The following SLC9A1 variants were observed in gnomAD, a reference collection of about 807,000 sequenced individuals.
SLC9A1 encodes sodium/hydrogen exchanger 1.
Under a neutral mutation model 67.9 loss-of-function variants are expected in SLC9A1, and 22 were observed. That is an observed-to-expected ratio of 0.32 (90% confidence interval 0.23 to 0.46). The LOEUF (loss-of-function observed/expected upper bound fraction) is 0.46, where lower values mean the gene tolerates loss of function less well. Among genes scored for constraint, SLC9A1 ranks in the 20% least tolerant of loss-of-function variants. SLC9A1 has a pLI of 1.00. For missense variants in SLC9A1, 686 were observed against 1,094.8 expected (o/e 0.63, Z 5.27); for synonymous variants, 421 against 471.8 (o/e 0.89, Z 1.40).
rs760631128 is a variant in SLC9A1 at position 27,102,492 on chromosome 1, G to C, written c.1713C>G (p.Pro571=). 1.9e-6 allele frequency: 3 copies of C among 1,610,932 alleles called. No homozygotes were observed. In the South Asian group the frequency reaches 3.3e-5, roughly 18 times the overall value. Reference sequence around the variant, plus strand: ...TCTTGTGGTAGAAGGCAATGAGCTGGGGCTCCTTGGAGCGCTCGCCAGCTA... The same window carrying C: ...TCTTGTGGTAGAAGGCAATGAGCTGCGGCTCCTTGGAGCGCTCGCCAGCTA... ...CLIAGERSKE[P]QLIAFYHKME... is the part of the protein sequence containing the mutation. Residue 571 remains proline (P), a synonymous_variant, in exon 8 of 12, where the codon CCC becomes CCG. Transcript: ENST00000263980.
In SLC9A1 at chr1:27,107,754, G is replaced by A; in HGVS notation, c.1176C>T (p.Thr392=). The A allele has an allele frequency of 6.3e-7, 1 of 1,597,174 alleles. No homozygotes were observed. Residue 392 remains threonine (T), a synonymous_variant, in exon 4 of 12, where the codon ACC becomes ACT. Coordinates refer to ENST00000263980, the MANE Select transcript of SLC9A1 (RefSeq NM_003047.5). The part of the protein sequence containing the change: ...FLKMWSSVSE[T]LIFIFLGVST... Reference sequence around the variant, plus strand: ...AGACGCCGAGGAAGATGAAGATGAGGGTCTCGCTGACGCTGCTCCACATCT... The same window carrying A: ...AGACGCCGAGGAAGATGAAGATGAGAGTCTCGCTGACGCTGCTCCACATCT...
At chr1:27,131,031 G>A (rs1359744210) in intron 1 of SLC9A1, among the ~76,000 whole-genome samples, 4 of 152,226 alleles carry the variant, frequency 2.6e-5, no homozygotes, top group African/African-American at 4.8e-5. Flanking sequence ...ACTTCCGCCT[G>A]GCCTGTGCTG....
In SLC9A1 at chr1:27,154,297, T is replaced by C. The variant is rs143747739; in HGVS notation, c.38A>G (p.His13Arg). The change falls in exon 1 of 12, where the codon CAT (histidine) becomes CGT (arginine). Residue 13 changes from histidine (H) to arginine (R), a missense_variant. By Grantham distance (29) the His-to-Arg change is conservative. Coordinates refer to ENST00000263980, the MANE Select transcript of SLC9A1 (RefSeq NM_003047.5). ...LRSGICGLSP[H>R]RIFPSLLVVV... is the part of the protein sequence containing the mutation. ...CACGAGTAAGGAAGGGAAGATCCGA[T>C]GTGGAGAGAGGCCACAGATGCCAGA... is the stretch of plus-strand genomic sequence containing the variant. The C allele has an allele frequency of 1.4e-5, 23 of 1,608,154 alleles. No individual in the cohort carries two copies. Among genetic ancestry groups the C allele is most frequent in the Non-Finnish European group, 2.0e-5 (23 of 1,176,454 alleles).
chr1:27,101,920 G>C lies in SLC9A1; in HGVS notation c.1936-94C>G. On this transcript the variant is annotated intron_variant, in intron 9 of 11. Transcript: ENST00000263980. This position sits in a 1 kb window ranked among gnomAD's most constrained non-coding sequence, Gnocchi z 4.9. ...TGCTGGAGGCCGGGCCAGTCCTGGGGTGGGTGCCGAGGGGCACGGGCAGGG... is the reference window on the plus strand; with the variant it reads ...TGCTGGAGGCCGGGCCAGTCCTGGGCTGGGTGCCGAGGGGCACGGGCAGGG... 7.1e-7 allele frequency: 1 copy of C among 1,411,900 alleles called. No homozygotes were observed. The highest frequency in any genetic ancestry group is 1.1e-5 in the South Asian group (1 of 87,074). 87.5% of individuals were successfully genotyped at this position (1,411,900 alleles called of 1,614,324 possible). A position where few individuals can be genotyped will look rare whatever the true frequency, so the allele number is the denominator to read the frequency against.
intron 1 of SLC9A1, among the ~76,000 whole-genome samples, chr1:27,131,938 G>GAAAAAA (rs1351315440): frequency 0.11 from 3,714 of 34,698 alleles, 315 homozygotes; most frequent in Non-Finnish European, 0.16. Flanking sequence ...AGAAGAAGAA[G>GAAAAAA]AAAAAAAAAA....
chr1:27,124,715 G>A (rs79540541), intron 1 of SLC9A1, among the ~76,000 whole-genome samples: 9,765 of 152,194 alleles, frequency 0.064, 417 homozygotes, highest in Non-Finnish European at 0.097. Context: ...GGTCTATTGT[G>A]TGCCCTCACA....
intron 1 of SLC9A1, among the ~76,000 whole-genome samples, chr1:27,143,722 C>T (rs2083465668): frequency 6.6e-6 from 1 of 152,208 alleles, no homozygotes; most frequent in African/African-American, 2.4e-5. Flanking sequence ...GCAAACATAG[C>T]TTAGCAAAGG....
intron 1 of SLC9A1, among the ~76,000 whole-genome samples, chr1:27,130,645 A>G (rs1454741135): frequency 6.6e-6 from 1 of 152,224 alleles, no homozygotes; most frequent in Non-Finnish European, 1.5e-5. Flanking sequence ...ATTACTACGA[A>G]GCCCTGTGCC....
At chr1:27,128,856 C>T (rs1389856827) in intron 1 of SLC9A1, among the ~76,000 whole-genome samples, 1 of 152,066 alleles carries the variant, frequency 6.6e-6, no homozygotes, top group Non-Finnish European at 1.5e-5. Flanking sequence ...ACTTGGGAGG[C>T]TGAGGCAGGA....
At chr1:27,130,941 C>A (rs2083379881) in intron 1 of SLC9A1, among the ~76,000 whole-genome samples, 1 of 152,206 alleles carries the variant, frequency 6.6e-6, no homozygotes, top group Admixed American at 6.5e-5. Flanking sequence ...TGCCTGCCTG[C>A]CTACTTGTCT....
intron 1 of SLC9A1, among the ~76,000 whole-genome samples, chr1:27,123,537 C>G (rs1472853886): frequency 6.6e-6 from 1 of 151,644 alleles, no homozygotes; most frequent in Non-Finnish European, 1.5e-5. Flanking sequence ...GAGTCTCGCT[C>G]TGTCACCCAG....
At chr1:27,115,858 T>C (rs11802373) in intron 1 of SLC9A1, among the ~76,000 whole-genome samples, 2,528 of 152,168 alleles carry the variant, frequency 0.017, 68 homozygotes, top group African/African-American at 0.054. Flanking sequence ...ACACAAGAAG[T>C]GCTCAACAAA....
chr1:27,148,789 G>A (rs965672346), intron 1 of SLC9A1, among the ~76,000 whole-genome samples: 9 of 152,252 alleles, frequency 5.9e-5, no homozygotes, highest in African/African-American at 1.9e-4. Flanking sequence ...CCCAACAGAG[G>A]CTGCCTCTCA....
At chr1:27,113,480 T>TC (rs2124154122) in intron 2 of SLC9A1, among the ~76,000 whole-genome samples, 1 of 152,092 alleles carries the variant, frequency 6.6e-6, no homozygotes, top group South Asian at 2.1e-4. Flanking sequence ...GCAAGTCAAG[T>TC]CAAGGAGGGA....
At chr1:27,110,910 G>A (rs182589835) in intron 2 of SLC9A1, among the ~76,000 whole-genome samples, 2 of 152,296 alleles carry the variant, frequency 1.3e-5, no homozygotes, top group Non-Finnish European at 2.9e-5. Context: ...CCATGACAGG[G>A]AACCCTCCAA....
chr1:27,101,017 C>T lies in SLC9A1; in HGVS notation c.2110+186G>A, dbSNP rs1408913123. The stretch of plus-strand genomic sequence containing the variant: ...CCCAGCTCCCCACACAGTCCTCGCC[C>T]GGAACGTCTCTCTCCCTAGGGATGG... On this transcript the variant is annotated intron_variant, in intron 11 of 11. Transcript: ENST00000263980. This position sits in a 1 kb window ranked among gnomAD's most constrained non-coding sequence, Gnocchi z 4.9. Among the ~76,000 whole-genome samples, 3 of 152,194 alleles carry T rather than the reference C, an allele frequency of 2.0e-5. No individual in the cohort carries two copies. Among genetic ancestry groups the T allele is most frequent in the Non-Finnish European group, 2.9e-5 (2 of 68,024 alleles).
chr1:27,137,978 T>C lies in SLC9A1; in HGVS notation c.352+16005A>G, dbSNP rs1490420110. On this transcript the variant is annotated intron_variant, in intron 1 of 11. Coordinates refer to ENST00000263980, the MANE Select transcript of SLC9A1 (RefSeq NM_003047.5). This position sits in a 1 kb window ranked among gnomAD's most constrained non-coding sequence, Gnocchi z 4.6. ...TGCCTGTCGGGAAGCTTTACTCTGT[T>C]GCCCTCATAGACCCAGCTTGAGCTG... is the stretch of plus-strand genomic sequence containing the variant. Among the ~76,000 whole-genome samples, 2 of 152,226 alleles carry C rather than the reference T, an allele frequency of 1.3e-5. No homozygotes were observed. The highest frequency in any genetic ancestry group is 2.9e-5 in the Non-Finnish European group (2 of 68,032).
chr1:27,128,857 T>C (rs2083363812), intron 1 of SLC9A1, among the ~76,000 whole-genome samples: 1 of 152,018 alleles, frequency 6.6e-6, no homozygotes, highest in Admixed American at 6.6e-5. Flanking sequence ...CTTGGGAGGC[T>C]GAGGCAGGAG....
At chr1:27,104,975 G>A (rs2083174149) in intron 5 of SLC9A1, among the ~76,000 whole-genome samples, 1 of 152,178 alleles carries the variant, frequency 6.6e-6, no homozygotes, top group African/African-American at 2.4e-5. Flanking sequence ...CCGTTTAAAT[G>A]TACAGAAATC....
Sources: allele counts gnomAD v4.1 joint callset (sites outside exome capture counted in the v4.1 genomes callset), GRCh38; gene constraint gnomAD v4.1.1; non-coding constraint Gnocchi (gnomAD v3.1); transcripts MANE v1.5; gene names NCBI Gene and HGNC (gene_info 2026-07-23, HGNC 2026-07-21).